The following FAM124A variants were observed in gnomAD, a reference collection of about 807,000 sequenced individuals.
FAM124A encodes family with sequence similarity 124 member A.
A neutral mutation model predicts 24.5 loss-of-function variants in FAM124A; 23 were observed. That is an observed-to-expected ratio of 0.94 (90% confidence interval 0.68 to 1.33). The LOEUF (loss-of-function observed/expected upper bound fraction) is 1.33. Among genes scored for constraint, FAM124A ranks in the 40% most tolerant of loss-of-function variants. The pLI is 0.00. For synonymous variants in FAM124A, 287 were observed against 314.7 expected, an observed-to-expected ratio of 0.91 and a Z score of 0.93; for missense variants, 623 against 722.8, an observed-to-expected ratio of 0.86 and a Z score of 1.58.
In FAM124A at chr13:51,251,907, CG is replaced by C; in HGVS notation, c.541del (p.Asp181ThrfsTer12). ...IVRFTVYCRYDNYADSLRFYQ... is the reference protein window; with the variant it reads ...IVRFTVYCRYXNYADSLRFYQ... ...TGCGCTTCACCGTCTACTGTCGCTA[CG>C]ACAACTATGCTGACAGCCTCAGGTT... On this transcript the variant is annotated frameshift_variant, in exon 3 of 4. Coordinates refer to ENST00000322475, the MANE Select transcript of FAM124A (RefSeq NM_001242312.2). LOFTEE classifies it high-confidence loss of function. This position sits in a 1 kb window ranked among gnomAD's most constrained non-coding sequence, Gnocchi z 5.3. 2 of 1,614,126 alleles carry C rather than the reference CG, an allele frequency of 1.2e-6. No individual in the cohort carries two copies. The highest frequency in any genetic ancestry group is 1.7e-6 in the Non-Finnish European group (2 of 1,180,020).
In FAM124A at chr13:51,258,880, A is replaced by AGGCT. The variant is rs1039621634; in HGVS notation, c.834+6681_834+6684dup. Reference sequence around the variant, plus strand: ...GGCCGGGGTAGGAAGATGCCACGAGAGGCTGCTCAGAAGAACCTATGCCTG... The same window carrying AGGCT: ...GGCCGGGGTAGGAAGATGCCACGAGAGGCTGGCTGCTCAGAAGAACCTATGCCTG... On this transcript the variant is annotated intron_variant, in intron 3 of 3. Coordinates refer to ENST00000322475, the MANE Select transcript of FAM124A (RefSeq NM_001242312.2). The surrounding 1 kb of genome is among the most constrained non-coding windows in gnomAD (Gnocchi z 4.2). Among the ~76,000 whole-genome samples, 2 of 152,172 alleles carry AGGCT rather than the reference A, an allele frequency of 1.3e-5. No homozygotes were observed. Among genetic ancestry groups the AGGCT allele is most frequent in the African/African-American group, 4.8e-5 (2 of 41,450 alleles).
chr13:51,252,603 A>C, intron 3 of FAM124A: 1 of 202,438 alleles, frequency 4.9e-6, no homozygotes. Context: ...CCCTCCCACA[A>C]AGGAACTTCA....
chr13:51,226,557 C>A (rs1954317429), intron 1 of FAM124A, among the ~76,000 whole-genome samples: 1 of 152,034 alleles, frequency 6.6e-6, no homozygotes, highest in Non-Finnish European at 1.5e-5. Flanking sequence ...GGTACGAGTT[C>A]CCGTTGTTAT....
intron 2 of FAM124A, among the ~76,000 whole-genome samples, chr13:51,232,312 A>T (rs1345178352): frequency 7.2e-6 from 1 of 138,714 alleles, no homozygotes; most frequent in Non-Finnish European, 1.6e-5. Context: ...TACTTATTTT[A>T]AATTAACAAA....
chr13:51,231,269 C>A, intron 1 of FAM124A, 79 bp from the exon 2 acceptor site: 1 of 1,509,644 alleles, frequency 6.6e-7, no homozygotes, highest in Non-Finnish European at 9.2e-7. Flanking sequence ...ATGCTACTTA[C>A]CACTGACTGT....
intron 2 of FAM124A, among the ~76,000 whole-genome samples, chr13:51,235,965 C>G (rs1051152005): frequency 6.6e-6 from 1 of 152,212 alleles, no homozygotes; most frequent in Non-Finnish European, 1.5e-5. Flanking sequence ...GTTTTTCAAC[C>G]TCCTGGGGAC....
chr13:51,266,697 G>A (rs1336724940), intron 3 of FAM124A, among the ~76,000 whole-genome samples: 1 of 152,200 alleles, frequency 6.6e-6, no homozygotes, highest in African/African-American at 2.4e-5. Context: ...GCATAGCCAC[G>A]TTCCTTGGCC....
At chr13:51,239,361 A>C (rs948136415) in intron 2 of FAM124A, among the ~76,000 whole-genome samples, 2 of 152,222 alleles carry the variant, frequency 1.3e-5, no homozygotes, top group African/African-American at 4.8e-5. Flanking sequence ...CTGAGCATCT[A>C]TATATTTATG....
At chr13:51,259,858 C>T (rs981400282) in intron 3 of FAM124A, among the ~76,000 whole-genome samples, 13 of 152,100 alleles carry the variant, frequency 8.5e-5, no homozygotes, top group Non-Finnish European at 1.9e-4. Context: ...ATGTTAGACA[C>T]CCAGTGTTTG....
intron 3 of FAM124A, chr13:51,253,009 A>C (rs559821495): frequency 8.5e-5 from 13 of 152,242 alleles, no homozygotes; most frequent in Admixed American, 4.6e-4. Context: ...AGAACATCCT[A>C]CATCTGGTCC....
chr13:51,239,670 A>T (rs991307788), intron 2 of FAM124A, among the ~76,000 whole-genome samples: 1 of 152,172 alleles, frequency 6.6e-6, no homozygotes, highest in Admixed American at 6.5e-5. Context: ...AAACTCCTAC[A>T]ATTGGAATTG....
At chr13:51,240,243 T>C (rs2137660819) in intron 2 of FAM124A, among the ~76,000 whole-genome samples, 1 of 152,344 alleles carries the variant, frequency 6.6e-6, no homozygotes, top group Non-Finnish European at 1.5e-5. Context: ...TTTCTAAACC[T>C]TCTCTCCTTC....
intron 3 of FAM124A, among the ~76,000 whole-genome samples, chr13:51,266,957 C>T (rs1307041071): frequency 6.6e-6 from 1 of 152,198 alleles, no homozygotes; most frequent in Non-Finnish European, 1.5e-5. Flanking sequence ...CATCAGTAAA[C>T]AACACAGACA....
intron 3 of FAM124A, among the ~76,000 whole-genome samples, chr13:51,269,123 T>C (rs944876013): frequency 1.3e-5 from 2 of 152,216 alleles, no homozygotes; most frequent in Admixed American, 6.5e-5. Context: ...TCCCTCCTTG[T>C]TGGGACACCC....
rs118035900 is a variant in FAM124A at position 51,237,348 on chromosome 13, G to C, written c.100+5969G>C. On this transcript the variant is annotated intron_variant, in intron 2 of 3. Transcript: ENST00000322475. ...AAGTGGAGGAATATCATAGGGTTTTGAATTTCTACTCTACCATCCACAGAG... is the reference window on the plus strand; with the variant it reads ...AAGTGGAGGAATATCATAGGGTTTTCAATTTCTACTCTACCATCCACAGAG... Among the ~76,000 whole-genome samples, 144 of 152,230 alleles carry C rather than the reference G, an allele frequency of 9.5e-4. 2 individuals carry two copies. In the East Asian group the frequency reaches 0.022, roughly 23 times the overall value.
chr13:51,283,792 A>G lies in FAM124A; in HGVS notation c.*2536A>G, dbSNP rs923785436. The G allele has an allele frequency of 6.6e-6, 1 of 150,486 alleles. No homozygotes were observed. Among genetic ancestry groups the G allele is most frequent in the Admixed American group, 6.6e-5 (1 of 15,074 alleles). 9.3% of individuals were successfully genotyped at this position (150,486 alleles called of 1,614,324 possible). On this transcript the variant is annotated 3_prime_UTR_variant, in exon 4 of 4. Transcript: ENST00000322475. Reference sequence around the variant, plus strand: ...CAAAAAAAAAAAAAAAAAAAAAAAAAAAAGGCTAATGGCCGAGGGCTGGCT... The same window carrying G: ...CAAAAAAAAAAAAAAAAAAAAAAAAGAAAGGCTAATGGCCGAGGGCTGGCT...
In FAM124A at chr13:51,239,992, C is replaced by T. The variant is rs185064938; in HGVS notation, c.100+8613C>T. Among the ~76,000 whole-genome samples the T allele has an allele frequency of 6.6e-5, 10 of 152,320 alleles. No homozygotes were observed. The East Asian group carries it at 1.5e-3, about 24-fold the overall frequency. ...ATTGATGACAATCCTGCTCCAGCCT[C>T]GGACTACAGTAACAGCCACAGCAAA... On this transcript the variant is annotated intron_variant, in intron 2 of 3. Transcript: ENST00000322475.
At chr13:51,246,187 CTG>C (rs1472656790) in intron 2 of FAM124A, among the ~76,000 whole-genome samples, 1 of 152,188 alleles carries the variant, frequency 6.6e-6, no homozygotes, top group Non-Finnish European at 1.5e-5. Context: ...TGGTTCTGGT[CTG>C]TGTTTTACCA....
chr13:51,247,013 G>A (rs921886661), intron 2 of FAM124A, among the ~76,000 whole-genome samples: 2 of 152,246 alleles, frequency 1.3e-5, no homozygotes, highest in African/African-American at 4.8e-5. Flanking sequence ...GGGCACTGCT[G>A]AGATGTGAAG....
Sources: gnomAD v4.1 joint callset for allele counts (sites outside exome capture counted in the v4.1 genomes callset) on GRCh38, gnomAD v4.1.1 for gene constraint, Gnocchi (gnomAD v3.1) non-coding constraint, MANE v1.5 for transcripts, NCBI Gene and HGNC (gene_info 2026-07-23, HGNC 2026-07-21) for gene names.